SCN2A: variants seen among roughly 807,000 people sequenced by gnomAD.
SCN2A encodes sodium channel protein type 2 subunit alpha.
Under a neutral mutation model 188.7 loss-of-function variants are expected in SCN2A, and 20 were observed. The ratio of observed to expected loss-of-function variants is 0.11; its 90% CI spans 0.07 to 0.15. SCN2A has a LOEUF of 0.15. Ranked by LOEUF, SCN2A falls within the 10% of genes least tolerant of loss-of-function variation. The pLI, the probability that SCN2A is intolerant of heterozygous loss-of-function variation, is 1.00. For synonymous variants in SCN2A, 804 were observed against 833.1 expected (o/e 0.97, Z 0.60); for missense variants, 1,278 against 2,445.0 (o/e 0.52, Z 10.07).
intron 1 of SCN2A, among the ~76,000 whole-genome samples, chr2:165,252,767 A>T (rs1313511880): frequency 6.6e-6 from 1 of 151,522 alleles, no homozygotes; most frequent in Non-Finnish European, 1.5e-5. Flanking sequence ...AATGAACTGG[A>T]TGGGGAGAAG....
chr2:165,331,502 C>A lies in SCN2A; in HGVS notation c.2322C>A (p.Leu774=). 6.2e-7 allele frequency: 1 copy of A among 1,613,824 alleles called. No individual in the cohort carries two copies. ...AITICIVLNT[L]FMAMEHYPMT... ...CCATCTGCATTGTCTTAAATACACTCTTCATGGCTATGGAGCACTATCCCA... is the reference window on the plus strand; with the variant it reads ...CCATCTGCATTGTCTTAAATACACTATTCATGGCTATGGAGCACTATCCCA... Residue 774 remains leucine, a synonymous_variant, in exon 14 of 27, where the codon CTC becomes CTA. Coordinates refer to ENST00000375437, the MANE Select transcript of SCN2A (RefSeq NM_001040142.2).
chr2:165,301,812 T>C (rs974235164), intron 3 of SCN2A, among the ~76,000 whole-genome samples: 6 of 152,214 alleles, frequency 3.9e-5, no homozygotes, highest in African/African-American at 1.4e-4. Flanking sequence ...GCACCAGAGT[T>C]TAGACCTGCA....
intron 1 of SCN2A, among the ~76,000 whole-genome samples, chr2:165,252,896 A>G (rs1177944790): frequency 6.6e-6 from 1 of 152,038 alleles, no homozygotes; most frequent in African/African-American, 2.4e-5. Context: ...AAGTAAGTCA[A>G]AATTCAGGGA....
intron 14 of SCN2A, 50 bp downstream of exon 14, chr2:165,331,618 C>T: frequency 7.1e-7 from 1 of 1,413,580 alleles, no homozygotes; most frequent in Non-Finnish European, 1.0e-6. Context: ...TTATAATTGC[C>T]TTAGTGAATT....
chr2:165,362,251 T>G (rs1700497505), intron 17 of SCN2A, among the ~76,000 whole-genome samples: 1 of 151,958 alleles, frequency 6.6e-6, no homozygotes, highest in African/African-American at 2.4e-5. Context: ...ATATTTGGCT[T>G]TAGGAAAAAG....
chr2:165,319,180 AC>A (rs1273381351), intron 11 of SCN2A, among the ~76,000 whole-genome samples: 1 of 152,084 alleles, frequency 6.6e-6, no homozygotes, highest in African/African-American at 2.4e-5. Context: ...ACTAAAAAAT[AC>A]AAAAAATTAG....
intron 6 of SCN2A, 122 bp downstream of exon 6, chr2:165,309,565 T>G (rs1397930129): frequency 1.0e-5 from 12 of 1,163,056 alleles, no homozygotes; most frequent in Non-Finnish European, 1.4e-5. Context: ...AAGCAAGAAT[T>G]GGTACATCAT....
chr2:165,388,021 G>A (rs1172101431), intron 26 of SCN2A, among the ~76,000 whole-genome samples: 1 of 152,066 alleles, frequency 6.6e-6, no homozygotes, highest in African/African-American at 2.4e-5. Flanking sequence ...ATCAGATTAT[G>A]TATATATATG....
rs770118417 is a variant in SCN2A at position 165,388,849 on chromosome 2, T to C, written c.5043T>C (p.Asn1681=). ...MFIYAIFGMS[N]FAYVKREVGI... is the part of the protein sequence containing the mutation. ...TCTACGCCATCTTTGGGATGTCCAA[T>C]TTTGCCTATGTTAAGAGGGAAGTTG... The change falls in exon 27 of 27, where the codon AAT becomes AAC. Residue 1681 remains asparagine, a synonymous_variant. Coordinates refer to ENST00000375437, the MANE Select transcript of SCN2A (RefSeq NM_001040142.2). 62 of 1,613,962 alleles carry C rather than the reference T, an allele frequency of 3.8e-5. No homozygotes were observed. Among genetic ancestry groups the C allele is most frequent in the Middle Eastern group, 1.6e-4 (1 of 6,082 alleles).
Position 165,282,362 on chromosome 2 carries a change from G to A in SCN2A, c.-51-13411G>A, listed in dbSNP as rs902545966. Among the ~76,000 whole-genome samples, 8 of 152,260 alleles carry A rather than the reference G, an allele frequency of 5.3e-5. No individual in the cohort carries two copies. In the East Asian group the frequency reaches 9.7e-4, roughly 18 times the overall value. On this transcript the variant is annotated intron_variant, in intron 1 of 26. Coordinates refer to ENST00000375437, the MANE Select transcript of SCN2A (RefSeq NM_001040142.2). ...TCAGTCCAGCAACTGGTGGGAAGGGGAATTTGGCAGTGGGGGATGGGGGCA... is the reference window on the plus strand; with the variant it reads ...TCAGTCCAGCAACTGGTGGGAAGGGAAATTTGGCAGTGGGGGATGGGGGCA...
chr2:165,250,793 A>G (rs542930646), intron 1 of SCN2A, among the ~76,000 whole-genome samples: 1 of 152,156 alleles, frequency 6.6e-6, no homozygotes, highest in South Asian at 2.1e-4. Flanking sequence ...ATGGCAAGGA[A>G]TGTGTTTTTT....
intron 14 of SCN2A, among the ~76,000 whole-genome samples, chr2:165,332,884 G>A (rs984279979): frequency 3.9e-5 from 6 of 151,970 alleles, no homozygotes; most frequent in African/African-American, 1.4e-4. Flanking sequence ...GCATCATTGG[G>A]AATCAGCTTC....
intron 1 of SCN2A, among the ~76,000 whole-genome samples, chr2:165,283,202 A>C (rs910434638): frequency 1.3e-5 from 2 of 152,246 alleles, no homozygotes; most frequent in Admixed American, 1.3e-4. Flanking sequence ...GAAATATTTA[A>C]CAAATGGTAT....
chr2:165,292,236 A>G (rs12619626), intron 1 of SCN2A, among the ~76,000 whole-genome samples: 35,715 of 152,112 alleles, frequency 0.23, 4,493 homozygotes, highest in East Asian at 0.36. Context: ...TTTCTCTTAC[A>G]ATCAAAAGTT....
At chr2:165,368,554 A>C (rs922937547) in intron 19 of SCN2A, among the ~76,000 whole-genome samples, 2 of 152,162 alleles carry the variant, frequency 1.3e-5, no homozygotes, top group Admixed American at 1.3e-4. Flanking sequence ...TGTCTTCTTC[A>C]CACTGATTCG....
At chr2:165,296,236 C>A in intron 2 of SCN2A, 146 bp downstream of exon 2, 1 of 774,164 alleles carries the variant, frequency 1.3e-6, no homozygotes, top group Non-Finnish European at 2.2e-6. Context: ...TGTAATGGAC[C>A]AATGATCCTA....
intron 25 of SCN2A, among the ~76,000 whole-genome samples, chr2:165,383,548 C>T (rs1461238680): frequency 6.6e-6 from 1 of 152,048 alleles, no homozygotes; most frequent in Non-Finnish European, 1.5e-5. Context: ...TTAACGTGGA[C>T]CCAGTCAGTC....
Position 165,329,298 on chromosome 2 carries a change from A to G in SCN2A, c.2150-2032A>G, listed in dbSNP as rs181065885. The stretch of plus-strand genomic sequence containing the variant: ...AATCACATAGAAATGTTTTCTGGTC[A>G]CACCTTTGTGAAGGATGGTGGGAGG... On this transcript the variant is annotated intron_variant, in intron 13 of 26. Coordinates refer to ENST00000375437, the MANE Select transcript of SCN2A (RefSeq NM_001040142.2). Among the ~76,000 whole-genome samples, 62 of 152,272 alleles carry G rather than the reference A, an allele frequency of 4.1e-4. 1 individual carries two copies. Among genetic ancestry groups the G allele is most frequent in the African/African-American group, 1.4e-3 (60 of 41,548 alleles).
Position 165,313,804 on chromosome 2 carries a change from C to T in SCN2A, c.1176+43C>T, listed in dbSNP as rs377365519. The T allele has an allele frequency of 1.3e-4, 216 of 1,612,868 alleles. No individual in the cohort carries two copies. In the African/African-American group the frequency reaches 2.3e-3, roughly 17 times the overall value. Reference sequence around the variant, plus strand: ...CATTTTTCTGAGAATCATAAAACACCGAACTCAAGAGAATTGCTGTAGAAT... The same window carrying T: ...CATTTTTCTGAGAATCATAAAACACTGAACTCAAGAGAATTGCTGTAGAAT... On this transcript the variant is annotated intron_variant, in intron 9 of 26. Transcript: ENST00000375437.
Sources: allele counts gnomAD v4.1 joint callset (sites outside exome capture counted in the v4.1 genomes callset), GRCh38; gene constraint gnomAD v4.1.1; transcripts MANE v1.5; gene names NCBI Gene and HGNC (gene_info 2026-07-23, HGNC 2026-07-21).